EMID1: variants seen among roughly 807,000 people sequenced by gnomAD.
The protein encoded by EMID1 is EMI domain containing 1.
In EMID1, 40 loss-of-function variants were observed where a neutral mutation model predicts 60.6. The ratio of observed to expected loss-of-function variants is 0.66; its 90% CI spans 0.51 to 0.86. The LOEUF (loss-of-function observed/expected upper bound fraction) is 0.86, where lower values mean the gene tolerates loss of function less well. EMID1 is among the 40% of genes least tolerant of loss of function. The pLI, the probability that EMID1 is intolerant of heterozygous loss-of-function variation, is 0.00. For synonymous variants in EMID1, 242 were observed against 231.0 expected (o/e 1.05, Z -0.43); for missense variants, 585 against 597.1 (o/e 0.98, Z 0.21).
intron 14 of EMID1, chr22:29,255,490 A>G (rs1019478617): frequency 1.4e-6 from 1 of 704,336 alleles, no homozygotes; most frequent in African/African-American, 1.8e-5. Flanking sequence ...CCAGCCAGCC[A>G]GCCAGCAAAT....
intron 3 of EMID1, among the ~76,000 whole-genome samples, chr22:29,224,057 T>C (rs1482852163): frequency 1.3e-5 from 2 of 152,222 alleles, no homozygotes; most frequent in African/African-American, 4.8e-5. Flanking sequence ...ATTAGCCCCC[T>C]GTGCCTGGGC....
chr22:29,222,205 C>T (rs946701099), intron 3 of EMID1, among the ~76,000 whole-genome samples: 1 of 152,060 alleles, frequency 6.6e-6, no homozygotes, highest in African/African-American at 2.4e-5. Flanking sequence ...GCTATCCTCC[C>T]GTATCAGTCT....
Position 29,253,402 on chromosome 22 carries a change from G to A in EMID1, c.1120-801G>A, listed in dbSNP as rs956563425. Among the ~76,000 whole-genome samples the A allele has an allele frequency of 2.0e-5, 3 of 152,354 alleles. No individual in the cohort carries two copies. In the South Asian group the frequency reaches 6.2e-4, roughly 32 times the overall value. On this transcript the variant is annotated intron_variant, in intron 13 of 14. Transcript: ENST00000334018. ...GTTCCAGACCAGCCTGACCAACATG[G>A]AGAAACCCTGTCTCTACTAAAAATA...
At chr22:29,210,875 G>A (rs1329037799) in intron 1 of EMID1, among the ~76,000 whole-genome samples, 1 of 152,092 alleles carries the variant, frequency 6.6e-6, no homozygotes, top group Admixed American at 6.5e-5. Context: ...ATGGCTCTGT[G>A]CGTGCCTGTA....
intron 1 of EMID1, among the ~76,000 whole-genome samples, chr22:29,207,999 C>A (rs974710840): frequency 2.0e-5 from 3 of 152,190 alleles, no homozygotes; most frequent in African/African-American, 7.2e-5. Flanking sequence ...CACTTCCTGG[C>A]CATGGGTCTC....
chr22:29,226,639 C>T (rs2040522270), intron 5 of EMID1, 88 bp downstream of exon 5: 14 of 1,377,578 alleles, frequency 1.0e-5, no homozygotes, highest in East Asian at 5.1e-5. Flanking sequence ...CCTCCTTCCC[C>T]GCACCCCATG....
rs1249644076 is a variant in EMID1, at chr22:29,233,401, C to A, written c.846C>A (p.Thr282=). The A allele has an allele frequency of 6.2e-7, 1 of 1,614,104 alleles. No individual in the cohort carries two copies. The highest frequency in any genetic ancestry group is 1.7e-5 in the Admixed American group (1 of 60,022). Residue 282 remains threonine, a synonymous_variant, in exon 9 of 15, where the codon ACC becomes ACA. Coordinates refer to ENST00000334018, the MANE Select transcript of EMID1 (RefSeq NM_133455.4). Reference sequence around the variant, plus strand: ...CAGGAGACCCATTGCTGTCCAACACCTTCACTGAGACCAACAACCACTGGC... The same window carrying A: ...CAGGAGACCCATTGCTGTCCAACACATTCACTGAGACCAACAACCACTGGC... ...SQHGDPLLSN[T]FTETNNHWPQ...
chr22:29,237,020 C>T (rs1370746388), intron 12 of EMID1, among the ~76,000 whole-genome samples: 1 of 151,872 alleles, frequency 6.6e-6, no homozygotes, highest in East Asian at 2.0e-4. Context: ...TGGTCTTGAA[C>T]TTCTAACTTT....
In EMID1 at chr22:29,258,812, G is replaced by T; in HGVS notation, c.1205-5G>T. The T allele has an allele frequency of 6.2e-7, 1 of 1,612,782 alleles. No individual in the cohort carries two copies. The highest frequency in any genetic ancestry group is 1.1e-5 in the South Asian group (1 of 91,044). ...TGTGGCCTCTCTCCTTCTTCCCTCC[G>T]GCAGAACCAGAGCTGGGGTCTGGGG... On this transcript the variant is annotated splice_region_variant and splice_polypyrimidine_tract_variant and intron_variant, in intron 14 of 14. Transcript: ENST00000334018.
intron 13 of EMID1, among the ~76,000 whole-genome samples, chr22:29,246,573 A>G (rs1365715590): frequency 2.6e-5 from 4 of 152,108 alleles, no homozygotes; most frequent in African/African-American, 9.7e-5. Flanking sequence ...AGGGAGACTT[A>G]AAATAGCAAA....
At chr22:29,235,557 CT>C (rs2040916045) in intron 12 of EMID1, among the ~76,000 whole-genome samples, 1 of 151,250 alleles carries the variant, frequency 6.6e-6, no homozygotes, top group Non-Finnish European at 1.5e-5. Flanking sequence ...GGATTGAGTA[CT>C]TTTTATGATT....
intron 13 of EMID1, among the ~76,000 whole-genome samples, chr22:29,251,543 C>T (rs753788464): frequency 1.1e-4 from 16 of 151,492 alleles, no homozygotes; most frequent in African/African-American, 2.7e-4. Context: ...TGTCACCCAT[C>T]GTGGAGTGCA....
At chr22:29,215,101 C>A in intron 2 of EMID1, 62 bp downstream of exon 2, 1 of 1,481,164 alleles carries the variant, frequency 6.8e-7, no homozygotes. Context: ...GGGCAAAGGC[C>A]TGGTTGGGGG....
Position 29,259,072 on chromosome 22 carries a change from T to G in EMID1, c.*128T>G. 2 of 1,411,182 alleles carry G rather than the reference T, an allele frequency of 1.4e-6. No individual in the cohort carries two copies. The highest frequency in any genetic ancestry group is 1.3e-5 in the South Asian group (1 of 75,202). 87.4% of individuals were successfully genotyped at this position (1,411,182 alleles called of 1,614,324 possible). A position where few individuals can be genotyped will look rare whatever the true frequency, so the allele number is the denominator to read the frequency against. On this transcript the variant is annotated 3_prime_UTR_variant, in exon 15 of 15. Coordinates refer to ENST00000334018, the MANE Select transcript of EMID1 (RefSeq NM_133455.4). The stretch of plus-strand genomic sequence containing the variant: ...CAGGGTCCCTTCTGCCATCTAGGCC[T>G]TAGGGGTAAGCAGGTCTCAGTCCTG...
intron 12 of EMID1, among the ~76,000 whole-genome samples, 173 bp downstream of exon 12, chr22:29,234,522 G>C (rs1248869183): frequency 6.6e-6 from 1 of 152,070 alleles, no homozygotes; most frequent in Non-Finnish European, 1.5e-5. Context: ...GGCTGCCTCT[G>C]TCTCTCTCAC....
At chr22:29,226,467 C>T (rs1033882351) in intron 4 of EMID1, 23 bp from the exon 5 acceptor site, 17 of 1,610,654 alleles carry the variant, frequency 1.1e-5, no homozygotes, top group African/African-American at 1.3e-5. Flanking sequence ...TGGCCCTGGC[C>T]CCAGCTTCCT....
chr22:29,225,185 G>A lies in EMID1; in HGVS notation c.372G>A (p.Arg124=), dbSNP rs2040456534. 6.2e-7 allele frequency: 1 copy of A among 1,613,962 alleles called. No homozygotes were observed. The highest frequency in any genetic ancestry group is 1.1e-5 in the South Asian group (1 of 91,088). ...LEPMWSGSTM[R]RMALRPTAFS... is the part of the protein sequence containing the mutation. ...CCATGTGGTCGGGCAGTACCATGCG[G>A]CGGATGGCGCTTCGGCCCACAGCCT... Residue 124 remains arginine, a synonymous_variant, in exon 4 of 15, where the codon CGG becomes CGA. Transcript: ENST00000334018.
At chr22:29,240,861 A>T (rs1213258284) in intron 12 of EMID1, among the ~76,000 whole-genome samples, 1 of 151,642 alleles carries the variant, frequency 6.6e-6, no homozygotes, top group African/African-American at 2.4e-5. Context: ...CATTCCTTTG[A>T]CTCTGTCAGA....
rs56085732 is a variant in EMID1, at chr22:29,235,780, C to CTT, written c.1074+1457_1074+1458dup. On this transcript the variant is annotated intron_variant, in intron 12 of 14. Transcript: ENST00000334018. ...GAATTAAAGCTTTCTAGAATTTAAG[C>CTT]TTTTTTTTTTTTTTTTTTTTTTTTT... 2.2e-3 allele frequency among the ~76,000 whole-genome samples: 159 copies of CTT among 73,888 alleles called. 8 individuals are homozygous for CTT. Among genetic ancestry groups the CTT allele is most frequent in the Non-Finnish European group, 3.0e-3 (119 of 40,060 alleles). 48.5% of individuals were successfully genotyped at this position (73,888 alleles called of 152,430 possible).
Sources: gnomAD v4.1 joint callset for allele counts (sites outside exome capture counted in the v4.1 genomes callset) on GRCh38, gnomAD v4.1.1 for gene constraint, MANE v1.5 for transcripts, NCBI Gene and HGNC (gene_info 2026-07-23, HGNC 2026-07-21) for gene names.